The following LYPD6 variants were observed in gnomAD, a reference collection of about 807,000 sequenced individuals.
The protein encoded by LYPD6 is LY6/PLAUR domain containing 6.
A neutral mutation model predicts 22.7 loss-of-function variants in LYPD6; 15 were observed. The ratio of observed to expected loss-of-function variants is 0.66; its 90% CI spans 0.44 to 1.02. The LOEUF is 1.02. LYPD6 is among the 50% of genes least tolerant of loss of function. The pLI is 0.00. For synonymous variants in LYPD6, 72 were observed against 77.5 expected (o/e 0.93, Z 0.37); for missense variants, 189 against 208.4 (o/e 0.91, Z 0.57).
In LYPD6 at chr2:149,441,990, T is replaced by C. The variant is rs568350452; in HGVS notation, c.118+4164T>C. On this transcript the variant is annotated intron_variant, in intron 2 of 4. Transcript: ENST00000334166. ...GAGAGCCAAATAAGTTTGTTCAGAC[T>C]ATACTACGTAAGTCTTAGAGAGTAA... Among the ~76,000 whole-genome samples, 4 of 152,338 alleles carry C rather than the reference T, an allele frequency of 2.6e-5. No homozygotes were observed. The South Asian group carries it at 8.3e-4, about 32-fold the overall frequency.
At chr2:149,376,668 G>T (rs1681929269) in intron 1 of LYPD6, among the ~76,000 whole-genome samples, 1 of 152,022 alleles carries the variant, frequency 6.6e-6, no homozygotes, top group African/African-American at 2.4e-5. Flanking sequence ...ATATTACTGG[G>T]TACTCATTGT....
intron 1 of LYPD6, among the ~76,000 whole-genome samples, chr2:149,396,618 A>G (rs1422795542): frequency 6.6e-6 from 1 of 151,774 alleles, no homozygotes; most frequent in Non-Finnish European, 1.5e-5. Context: ...TTTTTGTTGC[A>G]TTAGAGTCTT....
intron 1 of LYPD6, among the ~76,000 whole-genome samples, chr2:149,346,147 ATG>A (rs1363330050): frequency 2.0e-5 from 3 of 152,240 alleles, no homozygotes; most frequent in African/African-American, 4.8e-5. Flanking sequence ...TATTCCAGTA[ATG>A]TAGCCACTGC....
chr2:149,395,023 T>A (rs1324888415), intron 1 of LYPD6, among the ~76,000 whole-genome samples: 1 of 152,202 alleles, frequency 6.6e-6, no homozygotes, highest in African/African-American at 2.4e-5. Flanking sequence ...CAATACCTCA[T>A]GGACTGCCCT....
intron 1 of LYPD6, among the ~76,000 whole-genome samples, chr2:149,408,494 A>G (rs969997669): frequency 6.6e-6 from 1 of 152,136 alleles, no homozygotes; most frequent in African/African-American, 2.4e-5. Context: ...TTATTTCGTC[A>G]AATATATTTT....
chr2:149,362,045 C>A (rs1264284859), intron 1 of LYPD6, among the ~76,000 whole-genome samples: 3 of 152,262 alleles, frequency 2.0e-5, no homozygotes, highest in African/African-American at 7.2e-5. Context: ...AGCTCATTCT[C>A]CCTTAGAGCC....
intron 4 of LYPD6, 122 bp downstream of exon 4, chr2:149,468,897 G>A (rs1278168640): frequency 9.3e-7 from 1 of 1,076,538 alleles, no homozygotes; most frequent in Non-Finnish European, 1.3e-6. Context: ...TTGTCTTTAT[G>A]CTCTATGAAA....
chr2:149,388,078 A>G (rs2105094889), intron 1 of LYPD6, among the ~76,000 whole-genome samples: 1 of 152,304 alleles, frequency 6.6e-6, no homozygotes, highest in East Asian at 1.9e-4. Context: ...GCCTAAAGGA[A>G]ATTTTGAGTA....
chr2:149,482,215 T>C, the LYPD6 span, among the ~76,000 whole-genome samples: 1 of 152,226 alleles, frequency 6.6e-6, no homozygotes, highest in East Asian at 1.9e-4. Context: ...ACTTATTCTC[T>C]TTGTCTCTAA....
At chr2:149,359,495 T>C (rs1329389268) in intron 1 of LYPD6, among the ~76,000 whole-genome samples, 5 of 152,230 alleles carry the variant, frequency 3.3e-5, no homozygotes, top group Non-Finnish European at 7.3e-5. Context: ...ATTAGACACA[T>C]ATAAACATTA....
intron 1 of LYPD6, among the ~76,000 whole-genome samples, chr2:149,376,187 A>C (rs1573752402): frequency 6.6e-6 from 1 of 152,148 alleles, no homozygotes; most frequent in Non-Finnish European, 1.5e-5. Context: ...GCCTTGGGAA[A>C]ACAGCCCTAC....
At chr2:149,423,643 C>T (rs1200342105) in intron 1 of LYPD6, among the ~76,000 whole-genome samples, 2 of 151,914 alleles carry the variant, frequency 1.3e-5, no homozygotes, top group African/African-American at 4.8e-5. Flanking sequence ...ACCTGAAATA[C>T]TCTATGCCTC....
At chr2:149,423,803 G>A (rs1683134115) in intron 1 of LYPD6, among the ~76,000 whole-genome samples, 1 of 151,986 alleles carries the variant, frequency 6.6e-6, no homozygotes, top group South Asian at 2.1e-4. Context: ...TCAAATAAGT[G>A]TGGGGAAAAT....
chr2:149,418,867 C>T (rs1422766945), intron 1 of LYPD6, among the ~76,000 whole-genome samples: 3 of 152,222 alleles, frequency 2.0e-5, no homozygotes, highest in Non-Finnish European at 4.4e-5. Context: ...TTGAGCAAGC[C>T]AGCCTCTCTC....
chr2:149,457,755 T>C (rs1463923901), intron 3 of LYPD6, among the ~76,000 whole-genome samples: 2 of 152,198 alleles, frequency 1.3e-5, no homozygotes, highest in Non-Finnish European at 2.9e-5. Flanking sequence ...TTCCTCCTGC[T>C]AAGTATGACA....
the LYPD6 span, among the ~76,000 whole-genome samples, chr2:149,485,881 C>T: frequency 6.6e-6 from 1 of 152,076 alleles, no homozygotes; most frequent in Admixed American, 6.6e-5. Flanking sequence ...GACACTATGG[C>T]CTAAAGGAGC....
intron 1 of LYPD6, among the ~76,000 whole-genome samples, chr2:149,433,186 A>G (rs1034117293): frequency 3.3e-5 from 5 of 152,328 alleles, no homozygotes; most frequent in African/African-American, 1.2e-4. Flanking sequence ...ATTCAGCATT[A>G]AACACATGAA....
At chr2:149,406,561 C>T (rs1682713855) in intron 1 of LYPD6, among the ~76,000 whole-genome samples, 1 of 152,094 alleles carries the variant, frequency 6.6e-6, no homozygotes, top group Non-Finnish European at 1.5e-5. Flanking sequence ...GCAACCCCTG[C>T]CTTATTTGTT....
intron 1 of LYPD6, among the ~76,000 whole-genome samples, chr2:149,401,297 A>G (rs2105109190): frequency 6.6e-6 from 1 of 152,328 alleles, no homozygotes; most frequent in South Asian, 2.1e-4. Flanking sequence ...TGGGAAGTGT[A>G]TTTTGGGTCA....
Sources: allele counts gnomAD v4.1 joint callset (sites outside exome capture counted in the v4.1 genomes callset), GRCh38; gene constraint gnomAD v4.1.1; transcripts MANE v1.5; gene names NCBI Gene and HGNC (gene_info 2026-07-23, HGNC 2026-07-21).